Variants in PCDHA4 observed in about 807,000 individuals in gnomAD.
PCDHA4 encodes the protein protocadherin alpha 4.
PCDHA4 carries 49 observed loss-of-function variants against 61.4 expected under a neutral mutation model. That is an observed-to-expected ratio of 0.80 (90% CI 0.63 to 1.01). PCDHA4 has a LOEUF of 1.01. Among genes scored for constraint, PCDHA4 ranks in the 50% least tolerant of loss-of-function variants. PCDHA4 has a pLI of 0.00. For missense variants in PCDHA4, 1,254 were observed against 1,235.8 expected (o/e 1.01, Z -0.22); for synonymous variants, 590 against 550.3 (o/e 1.07, Z -1.01).
intron 1 of PCDHA4, among the ~76,000 whole-genome samples, chr5:140,959,259 C>T (rs781794121): frequency 4.6e-5 from 7 of 152,040 alleles, no homozygotes; most frequent in African/African-American, 7.2e-5. Flanking sequence ...TGACTGTAGT[C>T]CCAGCTACCC....
At position 140,926,724 on chromosome 5, in the gene PCDHA4, G is replaced by C. The variant is rs376759295; in HGVS notation, c.2386-52225G>C. 1.5e-5 allele frequency: 15 copies of C among 1,034,056 alleles called. No homozygotes were observed. In the East Asian group the frequency reaches 2.4e-4, roughly 17 times the overall value. 64.1% of individuals were successfully genotyped at this position (1,034,056 alleles called of 1,614,324 possible). On this transcript the variant is annotated intron_variant, in intron 1 of 3. Transcript: ENST00000530339. ...CCAGCTGGCCAGCCCCGGCAATGCC[G>C]GCGTTCGGGAGGCGCAACGTCGGCG...
Position 140,823,152 on chromosome 5 carries a change from T to C in PCDHA4, c.2385+13580T>C, listed in dbSNP as rs148475115. On this transcript the variant is annotated intron_variant, in intron 1 of 3. Transcript: ENST00000530339. ...CTCCGGCGTTCGCGCAGCCCCAGTA[T>C]ACCGTGTTCGTGAAGGAGAACAACC... 6.2e-6 allele frequency: 10 copies of C among 1,613,648 alleles called. No homozygotes were observed. In the African/African-American group the frequency reaches 8.0e-5, roughly 13 times the overall value.
In PCDHA4 at chr5:140,966,434, C is replaced by G. The variant is rs889087342; in HGVS notation, c.2386-12515C>G. 9 of 423,984 alleles carry G rather than the reference C, an allele frequency of 2.1e-5. No individual in the cohort carries two copies. In the Admixed American group the frequency reaches 3.9e-4, roughly 19 times the overall value. The allele number at this position is 423,984 out of a possible 1,614,324, so 26.3% of individuals were successfully genotyped here. On this transcript the variant is annotated intron_variant, in intron 1 of 3. Coordinates refer to ENST00000530339, the MANE Select transcript of PCDHA4 (RefSeq NM_018907.4). ...GAGCAGGACTTGCTGAGCCCTCCTA[C>G]CGCTCCCTTTCCCCCTCCCCCTCTG...
chr5:140,852,149 G>T (rs940913819), intron 1 of PCDHA4: 1 of 867,026 alleles, frequency 1.2e-6, no homozygotes. Flanking sequence ...AGATCAGAAT[G>T]GCCTTGAGAA....
chr5:140,925,395 G>A (rs1451043717), intron 1 of PCDHA4, among the ~76,000 whole-genome samples: 1 of 151,998 alleles, frequency 6.6e-6, no homozygotes, highest in African/African-American at 2.4e-5. Context: ...CTTTTGGCTC[G>A]CCTCCTTCTT....
At chr5:140,864,250 T>G (rs2048388075) in intron 1 of PCDHA4, 1 of 152,242 alleles carries the variant, frequency 6.6e-6, no homozygotes, top group Non-Finnish European at 1.5e-5. Flanking sequence ...ATTCATTTTC[T>G]TATTCTGATT....
In PCDHA4 at chr5:141,010,640, G is replaced by A. The variant is rs2098417874; in HGVS notation, c.*703G>A. The A allele has an allele frequency of 5.6e-6, 1 of 179,322 alleles. No homozygotes were observed. Among genetic ancestry groups the A allele is most frequent in the South Asian group, 1.4e-4 (1 of 7,048 alleles). 11.1% of individuals were successfully genotyped at this position (179,322 alleles called of 1,614,324 possible). A position where few individuals can be genotyped will look rare whatever the true frequency, so the allele number is the denominator to read the frequency against. On this transcript the variant is annotated 3_prime_UTR_variant, in exon 4 of 4. Transcript: ENST00000530339. ...TCTGCATCATACCTGCAAGCCAACA[G>A]TTCAGTGTTTTAACAGAGAACCACC...
intron 1 of PCDHA4, among the ~76,000 whole-genome samples, chr5:140,924,901 AAAAATAAAATAAAAT>A (rs10667761): frequency 2.0e-3 from 158 of 80,494 alleles, no homozygotes; most frequent in African/African-American, 5.2e-3. Context: ...TCTCAAAAAA[AAAAATAAAATAAAAT>A]AAAATAAAAT....
At position 140,807,303 on chromosome 5, in the gene PCDHA4, C is replaced by T; in HGVS notation, c.116C>T (p.Ala39Val). Residue 39 changes from alanine to valine, a missense_variant, in exon 1 of 4, where the codon GCC (alanine) becomes GTC (valine). Transcript: ENST00000530339. ...GQLHYSVSEE[A>V]KHGTFVGRIA... is the part of the protein sequence containing the mutation. Reference sequence around the variant, plus strand: ...CTCCACTACTCGGTCTCCGAGGAGGCCAAACACGGCACCTTCGTGGGCCGC... The same window carrying T: ...CTCCACTACTCGGTCTCCGAGGAGGTCAAACACGGCACCTTCGTGGGCCGC... 6.2e-7 allele frequency: 1 copy of T among 1,614,160 alleles called. No individual in the cohort carries two copies. Among genetic ancestry groups the T allele is most frequent in the Non-Finnish European group, 8.5e-7 (1 of 1,180,038 alleles).
rs782626216 is a variant in PCDHA4, at chr5:140,807,549, T to A, written c.362T>A (p.Val121Glu). 8.7e-6 allele frequency: 14 copies of A among 1,614,068 alleles called. No individual in the cohort carries two copies. The highest frequency in any genetic ancestry group is 1.1e-5 in the Non-Finnish European group (13 of 1,180,018). Residue 121 changes from valine (V) to glutamate (E), a missense_variant, in exon 1 of 4, where the codon GTG becomes GAG. Transcript: ENST00000530339. Reference sequence around the variant, plus strand: ...CCGCTGCAGGTTTTCCATGTGGACGTGGAGGTGAGGGACATTAACGATAAC... The same window carrying A: ...CCGCTGCAGGTTTTCCATGTGGACGAGGAGGTGAGGGACATTAACGATAAC... Reference protein sequence around the residue: ...DRPLQVFHVDVEVRDINDNPP... With the variant: ...DRPLQVFHVDEEVRDINDNPP...
intron 1 of PCDHA4, among the ~76,000 whole-genome samples, chr5:140,881,841 C>T (rs1386401088): frequency 6.6e-6 from 1 of 152,182 alleles, no homozygotes; most frequent in East Asian, 1.9e-4. Context: ...GCATGGAATT[C>T]TTACACATGG....
At chr5:140,871,466 A>T in intron 1 of PCDHA4, 1 of 1,603,050 alleles carries the variant, frequency 6.2e-7, no homozygotes. Flanking sequence ...GGGGAAAGAC[A>T]GGAGCCAGGG....
In PCDHA4 at chr5:140,807,369, C is replaced by T. The variant is rs782357546; in HGVS notation, c.182C>T (p.Pro61Leu). The T allele has an allele frequency of 2.5e-6, 4 of 1,608,330 alleles. No individual in the cohort carries two copies. The highest frequency in any genetic ancestry group is 2.2e-5 in the South Asian group (2 of 90,646). Residue 61 changes from proline (P) to leucine (L), a missense_variant, in exon 1 of 4, where the codon CCG (proline) becomes CTG (leucine). Pro to Leu is a moderately conservative substitution (Grantham distance 98). Coordinates refer to ENST00000530339, the MANE Select transcript of PCDHA4 (RefSeq NM_018907.4). Reference protein sequence around the residue: ...DLGLELAELVPRLFRVASKGR... With the variant: ...DLGLELAELVLRLFRVASKGR... ...GGACTGGAGCTGGCGGAGCTGGTGC[C>T]GCGCCTGTTCCGGGTGGCGTCCAAG...
At chr5:140,830,348 C>G in intron 1 of PCDHA4, 1 of 1,614,076 alleles carries the variant, frequency 6.2e-7, no homozygotes, top group Non-Finnish European at 8.5e-7. Flanking sequence ...GTACTCGCAG[C>G]AGAGGCGGCA....
At chr5:141,009,147 C>A (rs1193433198) in intron 3 of PCDHA4, among the ~76,000 whole-genome samples, 1 of 152,332 alleles carries the variant, frequency 6.6e-6, no homozygotes, top group Admixed American at 6.5e-5. Flanking sequence ...AACCTGCCCT[C>A]TTGCTTGTCT....
intron 1 of PCDHA4, among the ~76,000 whole-genome samples, chr5:140,855,580 ATAT>A (rs1320529577): frequency 6.7e-6 from 1 of 149,924 alleles, no homozygotes; most frequent in Non-Finnish European, 1.5e-5. Flanking sequence ...ATTTAATAAA[ATAT>A]TAGTATACTC....
intron 1 of PCDHA4, among the ~76,000 whole-genome samples, chr5:140,939,880 G>T (rs2092484713): frequency 6.6e-6 from 1 of 152,140 alleles, no homozygotes; most frequent in African/African-American, 2.4e-5. Context: ...TTTGCTAGTT[G>T]TGTTGTTCAA....
intron 1 of PCDHA4, among the ~76,000 whole-genome samples, chr5:140,917,329 GA>G (rs1467900886): frequency 0.012 from 1,654 of 143,658 alleles, 142 homozygotes; most frequent in African/African-American, 0.032. Context: ...TGTGGCGGGG[GA>G]GGGGGGGGAT....
rs2150363513 is a variant in PCDHA4 at position 140,843,612 on chromosome 5, C to T, written c.2385+34040C>T. The T allele has an allele frequency of 2.5e-6, 4 of 1,595,894 alleles. No individual in the cohort carries two copies. In the African/African-American group the frequency reaches 5.4e-5, roughly 21 times the overall value. On this transcript the variant is annotated intron_variant, in intron 1 of 3. Coordinates refer to ENST00000530339, the MANE Select transcript of PCDHA4 (RefSeq NM_018907.4). ...CAGAGGGTGTGCTCTGGTGAGGGGC[C>T]ACCGAAGACGGACCTCATGGCCTTC...
Sources: gnomAD v4.1 joint callset for allele counts (sites outside exome capture counted in the v4.1 genomes callset) on GRCh38, gnomAD v4.1.1 for gene constraint, MANE v1.5 for transcripts, NCBI Gene and HGNC (gene_info 2026-07-23, HGNC 2026-07-21) for gene names.